Variants in RADIL observed in about 807,000 individuals in gnomAD.
RADIL encodes Rap associating with DIL domain.
In RADIL, 99 loss-of-function variants were observed where a neutral mutation model predicts 97.6. The observed-to-expected ratio is 1.01, with a 90% CI of 0.86 to 1.20. The LOEUF (loss-of-function observed/expected upper bound fraction) is 1.20. Among genes scored for constraint, RADIL ranks in the 50% most tolerant of loss-of-function variants. The pLI is 0.00. For missense variants in RADIL, 1,765 were observed against 1,498.9 expected (o/e 1.18, Z -2.93); for synonymous variants, 803 against 691.8 (o/e 1.16, Z -2.52).
At chr7:4,876,784 T>G (rs2115052687) in intron 2 of RADIL, among the ~76,000 whole-genome samples, 1 of 152,276 alleles carries the variant, frequency 6.6e-6, no homozygotes, top group African/African-American at 2.4e-5. Context: ...GGCCAGGCCC[T>G]CCTCAGGAAG....
intron 1 of RADIL, among the ~76,000 whole-genome samples, chr7:4,881,340 G>A (rs186127991): frequency 5.6e-4 from 83 of 148,900 alleles, no homozygotes; most frequent in African/African-American, 1.9e-3. Context: ...GCGTGAACCC[G>A]GGAGGCGGAG....
At position 4,840,602 on chromosome 7, in the gene RADIL, A is replaced by G. The variant is rs981758908; in HGVS notation, c.536-3997T>C. Among the ~76,000 whole-genome samples, 1 of 152,202 alleles carries G rather than the reference A, an allele frequency of 6.6e-6. No individual in the cohort carries two copies. The highest frequency in any genetic ancestry group is 6.5e-5 in the Admixed American group (1 of 15,288). On this transcript the variant is annotated intron_variant, in intron 2 of 14. Transcript: ENST00000399583. This position sits in a 1 kb window ranked among gnomAD's most constrained non-coding sequence, Gnocchi z 5.6. ...TCTTTGCCAAGAACAGGGTCACCCC[A>G]GGGGCCCTTATGCTACCAATGGGAG... is the stretch of plus-strand genomic sequence containing the variant.
In RADIL at chr7:4,835,124, A is replaced by C; in HGVS notation, c.899T>G (p.Ile300Ser). The C allele has an allele frequency of 6.2e-7, 1 of 1,609,764 alleles. No homozygotes were observed. The highest frequency in any genetic ancestry group is 1.3e-5 in the African/African-American group (1 of 74,968). Residue 300 changes from isoleucine (I) to serine (S), a missense_variant, in exon 4 of 15, where the codon ATC becomes AGC. By Grantham distance (142) the Ile-to-Ser change is moderately radical. Coordinates refer to ENST00000399583, the MANE Select transcript of RADIL (RefSeq NM_018059.5). This position sits in a 1 kb window ranked among gnomAD's most constrained non-coding sequence, Gnocchi z 5.8. ...GCTGTCCGGGAGCGGTTGCCGGCGGATGGTGCAGTGTAGAGGCAGGATGTC... is the reference window on the plus strand; with the variant it reads ...GCTGTCCGGGAGCGGTTGCCGGCGGCTGGTGCAGTGTAGAGGCAGGATGTC... ...APDILPLHCT[I>S]RRQPLPDSGQ...
At chr7:4,828,373 G>A (rs569992185) in intron 5 of RADIL, among the ~76,000 whole-genome samples, 4 of 152,326 alleles carry the variant, frequency 2.6e-5, no homozygotes, top group South Asian at 4.1e-4. Context: ...AGCGGGAATC[G>A]CTTCAGCCCA....
rs753341166 is a variant in RADIL, at chr7:4,803,644, G to A, written c.2401C>T (p.Leu801Phe). The A allele has an allele frequency of 8.4e-6, 13 of 1,550,478 alleles. No individual in the cohort carries two copies. The highest frequency in any genetic ancestry group is 1.4e-5 in the African/African-American group (1 of 73,182). ...CCCCACAGAAAGTGGCGGACGTAGA[G>A]CAGGTGCTGGTAGATGCTGTCGTCC... is the stretch of plus-strand genomic sequence containing the variant. The part of the protein sequence containing the change: ...CLDDSIYQHL[L>F]YVRHFLWGLR... The change falls in exon 11 of 15, where the codon CTC (leucine) becomes TTC (phenylalanine). Residue 801 changes from leucine to phenylalanine, a missense_variant. By Grantham distance (22) the Leu-to-Phe change is conservative (BLOSUM62 0). Transcript: ENST00000399583.
At position 4,799,715 on chromosome 7, in the gene RADIL, G is replaced by C. The variant is rs1562423074; in HGVS notation, c.3037C>G (p.Pro1013Ala). Residue 1013 changes from proline (P) to alanine (A), a missense_variant, in exon 14 of 15, where the codon CCC (proline) becomes GCC (alanine). By Grantham distance (27) the Pro-to-Ala change is conservative. Transcript: ENST00000399583. ...GACAGGCGCCCGTCGGCCGCTGCGG[G>C]GCTGCCCGGGAGCAGGGTCTGGATG... is the stretch of plus-strand genomic sequence containing the variant. ...LYIQTLLPGS[P>A]AAADGRLSLG... The C allele has an allele frequency of 1.5e-5, 24 of 1,567,702 alleles. No individual in the cohort carries two copies. Among genetic ancestry groups the C allele is most frequent in the Non-Finnish European group, 2.1e-5 (24 of 1,159,130 alleles).
At position 4,815,364 on chromosome 7, in the gene RADIL, C is replaced by T. The variant is rs756659685; in HGVS notation, c.2053G>A (p.Gly685Ser). The T allele has an allele frequency of 9.0e-6, 14 of 1,559,838 alleles. No homozygotes were observed. In the African/African-American group the frequency reaches 1.1e-4, roughly 12 times the overall value. ...QQLLEWMRSA[G>S]FGAAGEHFFQ... The stretch of plus-strand genomic sequence containing the variant: ...AAGTGCTCTCCAGCCGCCCCGAAGC[C>T]GGCGCTCCGCATCCACTCCAGGAGC... Residue 685 changes from glycine to serine, a missense_variant, in exon 9 of 15, where the codon GGC becomes AGC. By Grantham distance (56) the Gly-to-Ser change is moderately conservative. Coordinates refer to ENST00000399583, the MANE Select transcript of RADIL (RefSeq NM_018059.5). This position sits in a 1 kb window ranked among gnomAD's most constrained non-coding sequence, Gnocchi z 8.0.
intron 9 of RADIL, chr7:4,811,371 A>G (rs1371321943): frequency 6.6e-6 from 1 of 151,764 alleles, no homozygotes; most frequent in Non-Finnish European, 1.5e-5. Context: ...CTTTTCTTAC[A>G]GCCCCTTTTC....
At chr7:4,877,213 T>G (rs933665743) in intron 2 of RADIL, among the ~76,000 whole-genome samples, 6 of 152,192 alleles carry the variant, frequency 3.9e-5, no homozygotes, top group African/African-American at 9.7e-5. Context: ...GAGGCCAAAG[T>G]AGGAGGATCG....
chr7:4,807,029 G>A (rs1040886298), intron 9 of RADIL, among the ~76,000 whole-genome samples: 1 of 152,114 alleles, frequency 6.6e-6, no homozygotes, highest in East Asian at 1.9e-4. Context: ...TGGCTCTGGA[G>A]ACTGCCTGCA....
Position 4,837,404 on chromosome 7 carries a change from G to T in RADIL, c.536-799C>A, listed in dbSNP as rs1783328551. Among the ~76,000 whole-genome samples the T allele has an allele frequency of 6.6e-6, 1 of 152,118 alleles. No homozygotes were observed. The highest frequency in any genetic ancestry group is 6.6e-5 in the Admixed American group (1 of 15,266). On this transcript the variant is annotated intron_variant, in intron 2 of 14. Transcript: ENST00000399583. The surrounding 1 kb of genome is among the most constrained non-coding windows in gnomAD (Gnocchi z 5.6). ...GACGAGACGGACTGGTCAGCATCCTGCCCCTACTTTACAAGGAGGAGGTGT... is the reference window on the plus strand; with the variant it reads ...GACGAGACGGACTGGTCAGCATCCTTCCCCTACTTTACAAGGAGGAGGTGT...
chr7:4,880,021 G>A lies in RADIL; in HGVS notation c.-64-1818C>T, dbSNP rs186709082. 5.3e-5 allele frequency among the ~76,000 whole-genome samples: 8 copies of A among 152,286 alleles called. No homozygotes were observed. The highest frequency in any genetic ancestry group is 1.9e-4 in the African/African-American group (8 of 41,564). On this transcript the variant is annotated intron_variant, in intron 1 of 14. Coordinates refer to ENST00000399583, the MANE Select transcript of RADIL (RefSeq NM_018059.5). This position sits in a 1 kb window ranked among gnomAD's most constrained non-coding sequence, Gnocchi z 4.5. Reference sequence around the variant, plus strand: ...CAGAGACTGGGTTCCCAACGCGGACGTCTGCCCTGCGGGGTGGGTGGCTGG... The same window carrying A: ...CAGAGACTGGGTTCCCAACGCGGACATCTGCCCTGCGGGGTGGGTGGCTGG...
intron 13 of RADIL, among the ~76,000 whole-genome samples, 180 bp from the exon 14 acceptor site, chr7:4,799,949 C>A (rs982014343): frequency 5.3e-5 from 8 of 152,212 alleles, no homozygotes; most frequent in Non-Finnish European, 4.4e-5. Context: ...AGGCCCAGGA[C>A]AGACCCCAAA....
chr7:4,843,141 G>C (rs144207583), intron 2 of RADIL, among the ~76,000 whole-genome samples: 176 of 151,616 alleles, frequency 1.2e-3, no homozygotes, highest in African/African-American at 3.9e-3. Flanking sequence ...CGAGTAGCTA[G>C]GATTACAGAA....
chr7:4,832,906 C>T (rs990223127), intron 4 of RADIL, among the ~76,000 whole-genome samples: 4 of 152,150 alleles, frequency 2.6e-5, no homozygotes, highest in Admixed American at 1.3e-4. Flanking sequence ...AGGAAACAAA[C>T]GCGCAAATGA....
intron 9 of RADIL, among the ~76,000 whole-genome samples, chr7:4,811,527 A>G (rs1383801866): frequency 7.1e-5 from 8 of 112,250 alleles, no homozygotes; most frequent in African/African-American, 2.8e-4. Context: ...TCACTCTGTC[A>G]CCCAGGCTGG....
At chr7:4,802,669 C>T (rs1166205237) in intron 11 of RADIL, among the ~76,000 whole-genome samples, 6 of 122,294 alleles carry the variant, frequency 4.9e-5, no homozygotes, top group Admixed American at 7.7e-5. Context: ...GGCTGGGGGG[C>T]CCCCTCCCCG....
At position 4,817,676 on chromosome 7, in the gene RADIL, C is replaced by A. The variant is rs757425973; in HGVS notation, c.1616-325G>T. 2.0e-5 allele frequency among the ~76,000 whole-genome samples: 3 copies of A among 152,210 alleles called. No homozygotes were observed. The highest frequency in any genetic ancestry group is 4.4e-5 in the Non-Finnish European group (3 of 68,038). On this transcript the variant is annotated intron_variant, in intron 6 of 14. Transcript: ENST00000399583. This position sits in a 1 kb window ranked among gnomAD's most constrained non-coding sequence, Gnocchi z 8.3. ...CGTTTTCTGTTACAACCAACTGCAC[C>A]CAACATAGCAGGTCCTAACTGCCTC...
chr7:4,867,632 GTAAATAAA>G lies in RADIL; in HGVS notation c.535+9965_535+9972del, dbSNP rs61202853. ...CTGTCTCTATTTTTAAAATAAATAAGTAAATAAATAAATAAATAAATAATGTAATGTGA... is the reference window on the plus strand; with the variant it reads ...CTGTCTCTATTTTTAAAATAAATAAGTAAATAAATAAATAATGTAATGTGA... On this transcript the variant is annotated intron_variant, in intron 2 of 14. Transcript: ENST00000399583. The surrounding 1 kb of genome is among the most constrained non-coding windows in gnomAD (Gnocchi z 4.1). Among the ~76,000 whole-genome samples the G allele has an allele frequency of 6.6e-6, 1 of 151,448 alleles. No homozygotes were observed. The highest frequency in any genetic ancestry group is 1.5e-5 in the Non-Finnish European group (1 of 67,940).
Sources: allele counts gnomAD v4.1 joint callset (sites outside exome capture counted in the v4.1 genomes callset), GRCh38; gene constraint gnomAD v4.1.1; non-coding constraint Gnocchi (gnomAD v3.1); transcripts MANE v1.5; gene names NCBI Gene and HGNC (gene_info 2026-07-23, HGNC 2026-07-21).